CAMK2D: variants seen among roughly 807,000 people sequenced by gnomAD.
The protein encoded by CAMK2D is calcium/calmodulin dependent protein kinase II delta, also known as calcium/calmodulin-dependent protein kinase type II subunit delta.
CAMK2D carries 37 observed loss-of-function variants against 84.0 expected under a neutral mutation model. That is an observed-to-expected ratio of 0.44 (90% CI 0.34 to 0.58). CAMK2D has a LOEUF of 0.58. Among genes scored for constraint, CAMK2D ranks in the 20% least tolerant of loss-of-function variants. The pLI is 0.02. For missense variants in CAMK2D, 448 were observed against 652.5 expected (o/e 0.69, Z 3.41); for synonymous variants, 202 against 212.5 (o/e 0.95, Z 0.43).
Position 113,486,147 on chromosome 4 carries a change from GAC to G in CAMK2D, c.1135+14314_1135+14315del, listed in dbSNP as rs1282424535. On this transcript the variant is annotated intron_variant, in intron 16 of 20. Coordinates refer to ENST00000511664, the MANE Select transcript of CAMK2D (RefSeq NM_001321571.2). Reference sequence around the variant, plus strand: ...TCCTTTGATTTTTTTTTTTTTAAGAGACAGAGTCTAGCTCTGTCATCCAGGCT... The same window carrying G: ...TCCTTTGATTTTTTTTTTTTTAAGAGAGAGTCTAGCTCTGTCATCCAGGCT... Among the ~76,000 whole-genome samples the G allele has an allele frequency of 2.0e-5, 3 of 150,510 alleles. No individual in the cohort carries two copies. In the East Asian group the frequency reaches 5.8e-4, roughly 29 times the overall value.
At chr4:113,545,954 T>C (rs1353736904) in intron 6 of CAMK2D, among the ~76,000 whole-genome samples, 2 of 152,214 alleles carry the variant, frequency 1.3e-5, no homozygotes, top group African/African-American at 4.8e-5. Context: ...TCAGAGAATA[T>C]ATTTTTCTTC....
At chr4:113,596,608 G>A (rs953556619) in intron 4 of CAMK2D, among the ~76,000 whole-genome samples, 3 of 152,098 alleles carry the variant, frequency 2.0e-5, no homozygotes, top group South Asian at 2.1e-4. Flanking sequence ...GTACATCTCC[G>A]TCAGAGCTCT....
chr4:113,489,269 C>G (rs2097796198), intron 16 of CAMK2D, among the ~76,000 whole-genome samples: 1 of 148,478 alleles, frequency 6.7e-6, no homozygotes, highest in Non-Finnish European at 1.5e-5. Flanking sequence ...AGGTATATCT[C>G]CCGATGCTAT....
At chr4:113,742,739 T>G (rs559113709) in intron 2 of CAMK2D, among the ~76,000 whole-genome samples, 10 of 152,210 alleles carry the variant, frequency 6.6e-5, no homozygotes, top group South Asian at 4.2e-4. Flanking sequence ...CAGAGACATA[T>G]AGATAGGAAT....
chr4:113,596,632 C>G (rs1330902105), intron 4 of CAMK2D, among the ~76,000 whole-genome samples: 1 of 152,110 alleles, frequency 6.6e-6, no homozygotes, highest in Non-Finnish European at 1.5e-5. Context: ...GCAACTAGGT[C>G]AATTGTCGGT....
At chr4:113,582,806 A>T (rs531436557) in intron 4 of CAMK2D, among the ~76,000 whole-genome samples, 1 of 152,350 alleles carries the variant, frequency 6.6e-6, no homozygotes, top group East Asian at 1.9e-4. Flanking sequence ...TATTGTTATA[A>T]GCTTTAGACA....
At chr4:113,468,469 T>TCACAGGC (rs1445390545) in intron 16 of CAMK2D, among the ~76,000 whole-genome samples, 3 of 152,044 alleles carry the variant, frequency 2.0e-5, no homozygotes, top group Non-Finnish European at 4.4e-5. Flanking sequence ...CTTGAGTGAG[T>TCACAGGC]CACAGGCGGC....
Position 113,483,513 on chromosome 4 carries a change from C to T in CAMK2D, c.1135+16950G>A, listed in dbSNP as rs572789348. Among the ~76,000 whole-genome samples, 212 of 151,954 alleles carry T rather than the reference C, an allele frequency of 1.4e-3. 1 individual carries two copies. Among genetic ancestry groups the T allele is most frequent in the African/African-American group, 4.8e-3 (198 of 41,434 alleles). On this transcript the variant is annotated intron_variant, in intron 16 of 20. Coordinates refer to ENST00000511664, the MANE Select transcript of CAMK2D (RefSeq NM_001321571.2). ...CTCCGCCTCCCGGGTTCAAGCGATT[C>T]TCTTGCCTCAGCCTCCTGAGTAGCT...
rs146006852 is a variant in CAMK2D at position 113,556,008 on chromosome 4, C to T, written c.276-3912G>A. ...TTGCCAGAACCAGACCACGCTGGCA[C>T]GCTGATACGCTGATATCAGACTTCC... On this transcript the variant is annotated intron_variant, in intron 4 of 20. Transcript: ENST00000511664. Among the ~76,000 whole-genome samples, 1,208 of 152,212 alleles carry T rather than the reference C, an allele frequency of 7.9e-3. 21 individuals are homozygous for T. The highest frequency in any genetic ancestry group is 0.028 in the African/African-American group (1,160 of 41,524).
At chr4:113,740,048 T>C (rs72678799) in intron 2 of CAMK2D, among the ~76,000 whole-genome samples, 1,972 of 152,286 alleles carry the variant, frequency 0.013, 18 homozygotes, top group Non-Finnish European at 0.021. Context: ...TGCAAATTAA[T>C]CTGTTTAGTA....
intron 4 of CAMK2D, among the ~76,000 whole-genome samples, chr4:113,556,846 C>T (rs1201682608): frequency 6.6e-6 from 1 of 152,118 alleles, no homozygotes; most frequent in Admixed American, 6.5e-5. Context: ...GAGCACATGA[C>T]CGATAATGGG....
At chr4:113,686,916 A>C (rs1205545146) in intron 2 of CAMK2D, among the ~76,000 whole-genome samples, 4 of 152,122 alleles carry the variant, frequency 2.6e-5, no homozygotes, top group African/African-American at 9.7e-5. Flanking sequence ...TCAATTTTAA[A>C]ATAAAGATAT....
chr4:113,613,060 T>C (rs764837719), intron 3 of CAMK2D, among the ~76,000 whole-genome samples: 3 of 152,164 alleles, frequency 2.0e-5, no homozygotes, highest in African/African-American at 4.8e-5. Flanking sequence ...TTAAATATGA[T>C]AGAAGTTTTC....
At chr4:113,667,985 A>G (rs2099264118) in intron 2 of CAMK2D, among the ~76,000 whole-genome samples, 1 of 150,004 alleles carries the variant, frequency 6.7e-6, no homozygotes, top group Non-Finnish European at 1.5e-5. Flanking sequence ...TTAATTTAGA[A>G]GTGAAACTTT....
chr4:113,457,253 C>T, intron 19 of CAMK2D, 82 bp downstream of exon 19: 3 of 1,551,184 alleles, frequency 1.9e-6, no homozygotes, highest in Non-Finnish European at 2.6e-6. Context: ...ATAACATATA[C>T]CATGCTATTA....
Position 113,531,289 on chromosome 4 carries a change from G to A in CAMK2D, c.528C>T (p.Gly176=), listed in dbSNP as rs777904514. The A allele has an allele frequency of 1.9e-6, 3 of 1,588,000 alleles. No homozygotes were observed. Among genetic ancestry groups the A allele is most frequent in the Non-Finnish European group, 2.6e-6 (3 of 1,156,482 alleles). ...CTTCTGGAGAAAGATATCCAGGTGT[G>A]CCAGCAAAACCTAGGGAAAAGAGAT... ...GDQQAWFGFA[G]TPGYLSPEVL... Residue 176 remains glycine (G), a synonymous_variant, in exon 8 of 21, where the codon GGC becomes GGT. Transcript: ENST00000511664.
rs151127098 is a variant in CAMK2D at position 113,496,299 on chromosome 4, A to G, written c.1135+4164T>C. 1.6e-3 allele frequency among the ~76,000 whole-genome samples: 248 copies of G among 152,328 alleles called. 1 individual carries two copies. Among genetic ancestry groups the G allele is most frequent in the African/African-American group, 5.7e-3 (237 of 41,572 alleles). ...AAATTGATTAAAAATGGAAATGACTATTTCAACAATTTTTGGCCTAAAGAA... is the reference window on the plus strand; with the variant it reads ...AAATTGATTAAAAATGGAAATGACTGTTTCAACAATTTTTGGCCTAAAGAA... On this transcript the variant is annotated intron_variant, in intron 16 of 20. Transcript: ENST00000511664.
intron 4 of CAMK2D, among the ~76,000 whole-genome samples, chr4:113,578,174 G>A (rs771630056): frequency 5.3e-5 from 8 of 152,080 alleles, no homozygotes; most frequent in Non-Finnish European, 8.8e-5. Context: ...TTAATATTTC[G>A]GATCATTTTC....
At chr4:113,613,913 GA>G (rs967222771) in intron 3 of CAMK2D, among the ~76,000 whole-genome samples, 3 of 151,912 alleles carry the variant, frequency 2.0e-5, no homozygotes, top group African/African-American at 7.2e-5. Flanking sequence ...AGAGAGAGAG[GA>G]AGTGGAAATG....
Sources: allele counts gnomAD v4.1 joint callset (sites outside exome capture counted in the v4.1 genomes callset), GRCh38; gene constraint gnomAD v4.1.1; transcripts MANE v1.5; gene names NCBI Gene and HGNC (gene_info 2026-07-23, HGNC 2026-07-21).